ZFAT: variants seen among roughly 807,000 people sequenced by gnomAD.
ZFAT encodes the protein zinc finger and AT-hook domain containing.
ZFAT carries 64 observed loss-of-function variants against 117.7 expected under a neutral mutation model. The ratio of observed to expected loss-of-function variants is 0.54; its 90% CI spans 0.44 to 0.67. The LOEUF is 0.67. Ranked by LOEUF, ZFAT falls within the 30% of genes least tolerant of loss-of-function variation. ZFAT has a pLI of 0.00. For missense variants in ZFAT, 1,433 were observed against 1,584.5 expected (o/e 0.90, Z 1.62); for synonymous variants, 679 against 615.0 (o/e 1.10, Z -1.54).
chr8:134,672,719 CACA>C (rs1347869537), intron 1 of ZFAT, among the ~76,000 whole-genome samples: 2 of 152,130 alleles, frequency 1.3e-5, no homozygotes, highest in African/African-American at 4.8e-5. Flanking sequence ...ACGGAAATGG[CACA>C]ACATTTTTCA....
chr8:134,682,821 C>T (rs769533471), intron 1 of ZFAT, among the ~76,000 whole-genome samples: 12 of 152,152 alleles, frequency 7.9e-5, no homozygotes, highest in Non-Finnish European at 1.3e-4. Context: ...CTCTGCACAC[C>T]GTACACACTC....
In ZFAT at chr8:134,608,810, G is replaced by A. The variant is rs778290872; in HGVS notation, c.704C>T (p.Ser235Leu). The A allele has an allele frequency of 6.2e-7, 1 of 1,610,452 alleles. No individual in the cohort carries two copies. Among genetic ancestry groups the A allele is most frequent in the Admixed American group, 1.7e-5 (1 of 59,270 alleles). ...GCCTCTCCGAGGCACCAGGTCTGCTGAAGTGGTCTCAGAATTTGTAGCTCC... is the reference window on the plus strand; with the variant it reads ...GCCTCTCCGAGGCACCAGGTCTGCTAAAGTGGTCTCAGAATTTGTAGCTCC... ...ETGATNSETT[S>L]ADLVPRRGYQ... The change falls in exon 5 of 16, where the codon TCA becomes TTA. Residue 235 changes from serine to leucine, a missense_variant. Ser to Leu is a moderately radical substitution (Grantham distance 145, BLOSUM62 -2). Transcript: ENST00000377838.
intron 11 of ZFAT, 124 bp from the exon 12 acceptor site, chr8:134,533,096 A>G (rs1821553355): frequency 5.0e-6 from 7 of 1,408,684 alleles, no homozygotes; most frequent in Non-Finnish European, 4.8e-6. Flanking sequence ...ATCACCTGTG[A>G]TATGTTCTAG....
At chr8:134,527,077 TAAG>T (rs35007596) in intron 12 of ZFAT, among the ~76,000 whole-genome samples, 24,867 of 151,858 alleles carry the variant, frequency 0.16, 3,316 homozygotes, top group African/African-American at 0.37. Flanking sequence ...GGGGTCATTA[TAAG>T]AAGAAGGCAG....
chr8:134,540,584 C>A (rs541567458), intron 11 of ZFAT, among the ~76,000 whole-genome samples: 1 of 152,138 alleles, frequency 6.6e-6, no homozygotes, highest in African/African-American at 2.4e-5. Context: ...TCAAAGGCTA[C>A]GAAAAGTCCC....
At chr8:134,521,348 T>G (rs1395916556) in intron 12 of ZFAT, among the ~76,000 whole-genome samples, 1 of 152,164 alleles carries the variant, frequency 6.6e-6, no homozygotes, top group Non-Finnish European at 1.5e-5. Flanking sequence ...TTTTCACTTG[T>G]AAGTAACAAA....
chr8:134,808,199 G>C, the ZFAT span, among the ~76,000 whole-genome samples: 2 of 152,188 alleles, frequency 1.3e-5, no homozygotes, highest in Non-Finnish European at 1.5e-5. Flanking sequence ...AACGTATGTA[G>C]TATGTGTGTG....
At chr8:134,800,527 C>T in the ZFAT span, 12 of 512,022 alleles carry the variant, frequency 2.3e-5, no homozygotes, top group Middle Eastern at 6.4e-4. Flanking sequence ...CATTCCAAGT[C>T]AGCTGAAGTA....
the ZFAT span, among the ~76,000 whole-genome samples, chr8:134,809,648 G>A: frequency 6.6e-6 from 1 of 152,196 alleles, no homozygotes; most frequent in South Asian, 2.1e-4. Context: ...AGTGGAGGGC[G>A]ATGGTAACAT....
chr8:134,586,846 T>C (rs1219358568), intron 9 of ZFAT, among the ~76,000 whole-genome samples: 2 of 152,216 alleles, frequency 1.3e-5, no homozygotes, highest in Non-Finnish European at 2.9e-5. Flanking sequence ...AAATCCCAGT[T>C]CCACCACTTG....
rs577451745 is a variant in ZFAT at position 134,484,427 on chromosome 8, C to T, written c.3493-5706G>A. Among the ~76,000 whole-genome samples, 6 of 152,320 alleles carry T rather than the reference C, an allele frequency of 3.9e-5. No individual in the cohort carries two copies. The South Asian group carries it at 1.2e-3, about 32-fold the overall frequency. On this transcript the variant is annotated intron_variant, in intron 15 of 15. Transcript: ENST00000377838. ...ACTCCAGGGCCAGCTGCTGCCTGCCCTTGGTTCAAACTCTGTCTGGCAGGA... is the reference window on the plus strand; with the variant it reads ...ACTCCAGGGCCAGCTGCTGCCTGCCTTTGGTTCAAACTCTGTCTGGCAGGA...
chr8:134,605,792 T>A (rs913109783), intron 5 of ZFAT, among the ~76,000 whole-genome samples: 2 of 152,162 alleles, frequency 1.3e-5, no homozygotes, highest in African/African-American at 4.8e-5. Flanking sequence ...AAAAAAGTGT[T>A]CCAGGTACTC....
At chr8:134,511,551 G>A (rs1445579712) in intron 14 of ZFAT, among the ~76,000 whole-genome samples, 3 of 152,180 alleles carry the variant, frequency 2.0e-5, no homozygotes, top group Non-Finnish European at 2.9e-5. Flanking sequence ...GGAGTTTGGG[G>A]TTTTAGGAAC....
rs539785724 is a variant in ZFAT, at chr8:134,642,029, G to A, written c.197-4317C>T. ...TTTGTGCATCACTCAAGTTTGCAAG[G>A]CACTTTCCCAGCTATTATCTCATTT... On this transcript the variant is annotated intron_variant, in intron 2 of 15. Transcript: ENST00000377838. Among the ~76,000 whole-genome samples the A allele has an allele frequency of 2.6e-5, 4 of 152,294 alleles. No homozygotes were observed. The East Asian group carries it at 7.7e-4, about 29-fold the overall frequency.
At chr8:134,504,337 G>C (rs1214361973) in intron 15 of ZFAT, among the ~76,000 whole-genome samples, 1 of 152,038 alleles carries the variant, frequency 6.6e-6, no homozygotes. Flanking sequence ...AACTCAGAAA[G>C]ACCGAAGATT....
chr8:134,798,474 T>G, the ZFAT span, among the ~76,000 whole-genome samples: 1 of 152,100 alleles, frequency 6.6e-6, no homozygotes, highest in Non-Finnish European at 1.5e-5. Flanking sequence ...CTAATAAATA[T>G]ACAGTGTTTT....
intron 5 of ZFAT, among the ~76,000 whole-genome samples, chr8:134,603,652 C>A (rs979522331): frequency 1.1e-4 from 16 of 152,218 alleles, no homozygotes; most frequent in African/African-American, 3.9e-4. Flanking sequence ...GACTTCAGAG[C>A]AGGACCTAAG....
the ZFAT span, among the ~76,000 whole-genome samples, chr8:134,776,141 T>C: frequency 1.3e-5 from 2 of 152,240 alleles, no homozygotes; most frequent in Non-Finnish European, 2.9e-5. Flanking sequence ...TATTATCTGA[T>C]TCACATGATG....
At chr8:134,536,776 A>T (rs1821873555) in intron 11 of ZFAT, among the ~76,000 whole-genome samples, 1 of 152,254 alleles carries the variant, frequency 6.6e-6, no homozygotes, top group Non-Finnish European at 1.5e-5. Context: ...TGGGACTTAA[A>T]TATCAACTCC....
Sources: allele counts gnomAD v4.1 joint callset (sites outside exome capture counted in the v4.1 genomes callset), GRCh38; gene constraint gnomAD v4.1.1; transcripts MANE v1.5; gene names NCBI Gene and HGNC (gene_info 2026-07-23, HGNC 2026-07-21).